The following DLGAP1 variants were observed in gnomAD, a reference collection of about 807,000 sequenced individuals.
DLGAP1 encodes DLG associated protein 1.
DLGAP1 carries 11 observed loss-of-function variants against 90.8 expected under a neutral mutation model. That is an observed-to-expected ratio of 0.12 (90% CI 0.08 to 0.20). The LOEUF (loss-of-function observed/expected upper bound fraction) is 0.20, where lower values mean the gene tolerates loss of function less well. DLGAP1 is among the 10% of genes least tolerant of loss of function. The pLI is 1.00. For synonymous variants in DLGAP1, 558 were observed against 540.7 expected, an observed-to-expected ratio of 1.03 and a Z score of -0.44; for missense variants, 1,050 against 1,333.8, an observed-to-expected ratio of 0.79 and a Z score of 3.31.
intron 2 of DLGAP1, among the ~76,000 whole-genome samples, chr18:4,097,504 T>A (rs76108717): frequency 6.6e-6 from 1 of 152,224 alleles, no homozygotes; most frequent in Admixed American, 6.5e-5. Context: ...TCATCCTCCA[T>A]TTTTCCTTCC....
At chr18:4,377,459 T>C (rs1299802912) in intron 1 of DLGAP1, among the ~76,000 whole-genome samples, 2 of 152,206 alleles carry the variant, frequency 1.3e-5, no homozygotes, top group African/African-American at 2.4e-5. Context: ...CATGGTTTTG[T>C]CAGTTTGAGA....
intron 5 of DLGAP1, among the ~76,000 whole-genome samples, chr18:3,778,872 C>G (rs1598714708): frequency 6.6e-6 from 1 of 152,288 alleles, no homozygotes; most frequent in East Asian, 1.9e-4. Context: ...GGCTCAGGGT[C>G]CTCTCTCCTT....
At chr18:4,244,881 G>A (rs1381940837) in intron 1 of DLGAP1, among the ~76,000 whole-genome samples, 1 of 152,168 alleles carries the variant, frequency 6.6e-6, no homozygotes, top group Non-Finnish European at 1.5e-5. Context: ...CAAGTACTTA[G>A]AATAGCCTAT....
At chr18:3,858,483 T>TAC (rs1285852506) in intron 4 of DLGAP1, among the ~76,000 whole-genome samples, 1 of 149,334 alleles carries the variant, frequency 6.7e-6, no homozygotes, top group African/African-American at 2.5e-5. Flanking sequence ...GAAACATATA[T>TAC]ATATATACGT....
chr18:4,058,208 CCAGA>C (rs547511983), intron 2 of DLGAP1, among the ~76,000 whole-genome samples: 212 of 152,318 alleles, frequency 1.4e-3, no homozygotes, highest in Non-Finnish European at 2.1e-3. Context: ...TGCACACCTG[CCAGA>C]CAGTCCACAT....
chr18:3,557,046 T>C (rs1247198789), intron 9 of DLGAP1, among the ~76,000 whole-genome samples: 1 of 152,222 alleles, frequency 6.6e-6, no homozygotes, highest in Non-Finnish European at 1.5e-5. Flanking sequence ...TGATTTCTGT[T>C]ATAATTTTAT....
At chr18:4,309,879 T>G (rs1039704869) in intron 1 of DLGAP1, among the ~76,000 whole-genome samples, 10 of 152,188 alleles carry the variant, frequency 6.6e-5, no homozygotes, top group Non-Finnish European at 1.0e-4. Flanking sequence ...GAGATAATGT[T>G]TAGCTTCTTT....
intron 4 of DLGAP1, among the ~76,000 whole-genome samples, chr18:3,855,898 A>G (rs2069613990): frequency 6.6e-6 from 1 of 152,228 alleles, no homozygotes; most frequent in Admixed American, 6.5e-5. Context: ...GGCGTGAGCC[A>G]CCACGCCTGG....
intron 7 of DLGAP1, among the ~76,000 whole-genome samples, chr18:3,718,926 GAAAAA>G (rs58552058): frequency 2.1e-5 from 2 of 95,470 alleles, no homozygotes; most frequent in Non-Finnish European, 2.1e-5. Flanking sequence ...GACTTTGTCT[GAAAAA>G]AAAAAAAAAA....
rs996353308 is a variant in DLGAP1, at chr18:3,643,507, C to T, written c.1592-61259G>A. ...TGAAACCTCGTCTCTACTAAAAATACAAAAAATTAGCCGGGCGTGGTGGCA... is the reference window on the plus strand; with the variant it reads ...TGAAACCTCGTCTCTACTAAAAATATAAAAAATTAGCCGGGCGTGGTGGCA... On this transcript the variant is annotated intron_variant, in intron 7 of 12. Coordinates refer to ENST00000315677, the MANE Select transcript of DLGAP1 (RefSeq NM_004746.4). 2.4e-4 allele frequency among the ~76,000 whole-genome samples: 36 copies of T among 151,570 alleles called. 1 individual carries two copies. Among genetic ancestry groups the T allele is most frequent in the Non-Finnish European group, 1.5e-5 (1 of 67,874 alleles).
At chr18:4,199,489 AGATAACT>A (rs2077566209) in intron 1 of DLGAP1, among the ~76,000 whole-genome samples, 1 of 152,228 alleles carries the variant, frequency 6.6e-6, no homozygotes, top group African/African-American at 2.4e-5. Flanking sequence ...TGGTGAATTA[AGATAACT>A]GTGAATAATC....
intron 5 of DLGAP1, among the ~76,000 whole-genome samples, chr18:3,750,825 G>A (rs2063468223): frequency 6.6e-6 from 1 of 152,128 alleles, no homozygotes; most frequent in African/African-American, 2.4e-5. Context: ...GGCCTGGAAT[G>A]CTCTCCTTCC....
chr18:4,264,719 T>C (rs1455966808), intron 1 of DLGAP1: 1 of 152,200 alleles, frequency 6.6e-6, no homozygotes, highest in East Asian at 1.9e-4. Flanking sequence ...CTAGATTAAA[T>C]ATGCTAGTCC....
At chr18:4,192,807 C>T (rs1175999147) in intron 1 of DLGAP1, among the ~76,000 whole-genome samples, 1 of 152,178 alleles carries the variant, frequency 6.6e-6, no homozygotes, top group Non-Finnish European at 1.5e-5. Context: ...GATGCCAAAT[C>T]ATGAGCTTTG....
intron 4 of DLGAP1, among the ~76,000 whole-genome samples, chr18:3,878,549 C>A (rs2148822802): frequency 6.6e-6 from 1 of 152,320 alleles, no homozygotes; most frequent in South Asian, 2.1e-4. Flanking sequence ...CCCACCTCCT[C>A]AGGGCACAGG....
chr18:4,203,271 A>G (rs2077646915), intron 1 of DLGAP1, among the ~76,000 whole-genome samples: 1 of 151,840 alleles, frequency 6.6e-6, no homozygotes, highest in Non-Finnish European at 1.5e-5. Flanking sequence ...AGATTAAAAA[A>G]AAAAAAAAAA....
intron 7 of DLGAP1, chr18:3,604,058 C>G (rs1322445716): frequency 6.5e-6 from 1 of 154,290 alleles, no homozygotes; most frequent in South Asian, 2.0e-4. Context: ...ATGCCTGTGA[C>G]GTTCGTGAAC....
At chr18:3,676,819 C>G (rs1323531310) in intron 7 of DLGAP1, among the ~76,000 whole-genome samples, 1 of 152,012 alleles carries the variant, frequency 6.6e-6, no homozygotes, top group Non-Finnish European at 1.5e-5. Context: ...CCAAATTCAA[C>G]AGGGTAGTCA....
intron 1 of DLGAP1, among the ~76,000 whole-genome samples, chr18:4,371,781 C>G (rs909746264): frequency 6.6e-6 from 1 of 152,178 alleles, no homozygotes; most frequent in African/African-American, 2.4e-5. Context: ...ATACATCATC[C>G]TCCCTTTTGG....
Sources: gnomAD v4.1 joint callset for allele counts (sites outside exome capture counted in the v4.1 genomes callset) on GRCh38, gnomAD v4.1.1 for gene constraint, MANE v1.5 for transcripts, NCBI Gene and HGNC (gene_info 2026-07-23, HGNC 2026-07-21) for gene names.